The following CDH13 variants were observed in gnomAD, a reference collection of about 807,000 sequenced individuals.
CDH13 encodes the protein cadherin 13, also known as cadherin-13.
In CDH13, 24 loss-of-function variants were observed where a neutral mutation model predicts 63.8. The ratio of observed to expected loss-of-function variants is 0.38; its 90% CI spans 0.27 to 0.53. The LOEUF is 0.53. Ranked by LOEUF, CDH13 falls within the 20% of genes least tolerant of loss-of-function variation. The pLI, the probability that CDH13 is intolerant of heterozygous loss-of-function variation, is 0.85. For synonymous variants in CDH13, 503 were observed against 355.3 expected, an observed-to-expected ratio of 1.42 and a Z score of -4.67; for missense variants, 1,049 against 903.1, an observed-to-expected ratio of 1.16 and a Z score of -2.07.
chr16:82,727,821 A>G (rs1013021001), intron 1 of CDH13: 15 of 152,050 alleles, frequency 9.9e-5, no homozygotes, highest in South Asian at 8.4e-4. Flanking sequence ...TCACCCTACA[A>G]TGGTGAGCAG....
chr16:82,934,432 A>C (rs921070781), intron 2 of CDH13, among the ~76,000 whole-genome samples: 1 of 152,084 alleles, frequency 6.6e-6, no homozygotes, highest in Admixed American at 6.5e-5. Context: ...CATTTTTTCC[A>C]TCTAGGCCTC....
chr16:83,025,834 T>A (rs1400505169), intron 2 of CDH13, among the ~76,000 whole-genome samples: 1 of 152,160 alleles, frequency 6.6e-6, no homozygotes, highest in African/African-American at 2.4e-5. Flanking sequence ...GAGTTTATAA[T>A]GTAAGGTCCT....
intron 6 of CDH13, among the ~76,000 whole-genome samples, chr16:83,391,716 G>T (rs559438573): frequency 6.6e-6 from 1 of 152,220 alleles, no homozygotes; most frequent in East Asian, 1.9e-4. Flanking sequence ...GGTCTGTTTT[G>T]CATTGTCACC....
intron 6 of CDH13, among the ~76,000 whole-genome samples, chr16:83,426,275 G>C (rs1053185168): frequency 1.3e-5 from 2 of 152,088 alleles, no homozygotes; most frequent in African/African-American, 4.8e-5. Flanking sequence ...TCTCCTTTCA[G>C]CATTTGAGTG....
At chr16:82,730,903 A>C (rs1201106229) in intron 1 of CDH13, among the ~76,000 whole-genome samples, 1 of 152,236 alleles carries the variant, frequency 6.6e-6, no homozygotes, top group Admixed American at 6.5e-5. Flanking sequence ...GCATCAACTT[A>C]TAATTAAGTT....
rs754925344 is a variant in CDH13, at chr16:83,797,034, C to G, written c.*2004C>G. On this transcript the variant is annotated 3_prime_UTR_variant, in exon 14 of 14. Coordinates refer to ENST00000567109, the MANE Select transcript of CDH13 (RefSeq NM_001257.5). ...GACTCAGGGACAGGGGAATCTAAGC[C>G]TGTGCATTCACACTCCACAAGATTT... 2 of 152,244 alleles carry G rather than the reference C, an allele frequency of 1.3e-5. No homozygotes were observed. Among genetic ancestry groups the G allele is most frequent in the Non-Finnish European group, 2.9e-5 (2 of 68,062 alleles). 9.4% of individuals were successfully genotyped at this position (152,244 alleles called of 1,614,324 possible).
chr16:83,685,543 A>G (rs1040402432), intron 10 of CDH13, among the ~76,000 whole-genome samples: 1 of 152,172 alleles, frequency 6.6e-6, no homozygotes, highest in African/African-American at 2.4e-5. Context: ...GGTGCTGTAA[A>G]TTCACTGGTG....
At chr16:83,084,912 G>GAAAAACACCTC (rs2033484243) in intron 3 of CDH13, among the ~76,000 whole-genome samples, 1 of 152,162 alleles carries the variant, frequency 6.6e-6, no homozygotes, top group Non-Finnish European at 1.5e-5. Flanking sequence ...GGTTGAGTAA[G>GAAAAACACCTC]TAGAGGTGTT....
intron 2 of CDH13, among the ~76,000 whole-genome samples, chr16:82,937,097 A>G (rs2042692000): frequency 6.6e-6 from 1 of 152,192 alleles, no homozygotes; most frequent in African/African-American, 2.4e-5. Context: ...GTTTTAAGAA[A>G]ATAGAAATAG....
chr16:82,798,204 A>G (rs2036681315), intron 1 of CDH13, among the ~76,000 whole-genome samples: 1 of 152,192 alleles, frequency 6.6e-6, no homozygotes, highest in Admixed American at 6.5e-5. Flanking sequence ...CAGAAAAATG[A>G]CCGCTTGCAG....
chr16:82,955,757 AGCAGCTACT>A (rs1905990649), intron 2 of CDH13, among the ~76,000 whole-genome samples: 1 of 152,192 alleles, frequency 6.6e-6, no homozygotes, highest in African/African-American at 2.4e-5. Flanking sequence ...CTTCATTGCA[AGCAGCTACT>A]GCATTCCGAT....
intron 6 of CDH13, among the ~76,000 whole-genome samples, chr16:83,450,033 C>G (rs2072841107): frequency 1.3e-5 from 2 of 152,234 alleles, no homozygotes; most frequent in South Asian, 4.1e-4. Context: ...GGCCCAGCTG[C>G]TCATCACTGG....
intron 10 of CDH13, among the ~76,000 whole-genome samples, chr16:83,718,837 C>G (rs577997838): frequency 6.6e-6 from 1 of 152,282 alleles, no homozygotes; most frequent in South Asian, 2.1e-4. Flanking sequence ...TATGACCACC[C>G]TGTATTCTTC....
intron 4 of CDH13, among the ~76,000 whole-genome samples, chr16:83,186,484 C>T (rs1407506305): frequency 6.6e-6 from 1 of 152,014 alleles, no homozygotes; most frequent in African/African-American, 2.4e-5. Flanking sequence ...TTATCAGTAG[C>T]CTCTGATGCT....
intron 4 of CDH13, among the ~76,000 whole-genome samples, chr16:83,195,190 G>C (rs1314329664): frequency 6.6e-6 from 1 of 152,188 alleles, no homozygotes; most frequent in African/African-American, 2.4e-5. Flanking sequence ...TATGATTGAA[G>C]TGGTTGTTAA....
At chr16:82,974,817 C>A (rs1390655640) in intron 2 of CDH13, among the ~76,000 whole-genome samples, 1 of 152,168 alleles carries the variant, frequency 6.6e-6, no homozygotes, top group Non-Finnish European at 1.5e-5. Context: ...GTCCCTAGAG[C>A]CTTCAAGAGT....
At chr16:83,763,782 A>C (rs1597196478) in intron 11 of CDH13, among the ~76,000 whole-genome samples, 1 of 152,190 alleles carries the variant, frequency 6.6e-6, no homozygotes, top group Non-Finnish European at 1.5e-5. Context: ...AGTCATGTTG[A>C]AAATACTACC....
chr16:83,157,960 G>A (rs891254500), intron 4 of CDH13, among the ~76,000 whole-genome samples: 5 of 151,874 alleles, frequency 3.3e-5, no homozygotes, highest in Non-Finnish European at 7.4e-5. Context: ...TGTCCTCAAA[G>A]CTTCCTCAGA....
chr16:83,443,355 A>T (rs1320702892), intron 6 of CDH13, among the ~76,000 whole-genome samples: 1 of 152,190 alleles, frequency 6.6e-6, no homozygotes, highest in African/African-American at 2.4e-5. Flanking sequence ...AGCTTGGAGC[A>T]CTGCACCCAC....
Sources: gnomAD v4.1 joint callset for allele counts (sites outside exome capture counted in the v4.1 genomes callset) on GRCh38, gnomAD v4.1.1 for gene constraint, MANE v1.5 for transcripts, NCBI Gene and HGNC (gene_info 2026-07-23, HGNC 2026-07-21) for gene names.